Variants in IL15RA observed in about 807,000 individuals in gnomAD.
IL15RA encodes the protein interleukin-15 receptor subunit alpha.
Under a neutral mutation model 24.2 loss-of-function variants are expected in IL15RA, and 26 were observed. The observed-to-expected ratio is 1.07, with a 90% CI of 0.79 to 1.49. The LOEUF is 1.49. Ranked by LOEUF, IL15RA falls within the 40% of genes most tolerant of loss-of-function variation. The pLI is 0.00. For missense variants in IL15RA, 354 were observed against 356.4 expected, an observed-to-expected ratio of 0.99 and a Z score of 0.05; for synonymous variants, 166 against 157.6, an observed-to-expected ratio of 1.05 and a Z score of -0.40.
chr10:5,956,527 G>T, intron 5 of IL15RA, 73 bp from the exon 6 acceptor site: 1 of 1,158,038 alleles, frequency 8.6e-7, no homozygotes, highest in Non-Finnish European at 1.3e-6. Flanking sequence ...TCTTTACCAT[G>T]GATGTTCTTA....
chr10:5,957,336 C>T (rs1013090318), intron 5 of IL15RA, among the ~76,000 whole-genome samples: 5 of 152,042 alleles, frequency 3.3e-5, no homozygotes, highest in Non-Finnish European at 2.9e-5. Flanking sequence ...AGTGCAGTGG[C>T]GTGATCTCAG....
rs540954880 is a variant in IL15RA at position 5,958,468 on chromosome 10, C to T, written c.616+1286G>A. On this transcript the variant is annotated intron_variant, in intron 5 of 6. Transcript: ENST00000379977. This position sits in a 1 kb window ranked among gnomAD's most constrained non-coding sequence, Gnocchi z 4.3. The stretch of plus-strand genomic sequence containing the variant: ...TGGTGTGATCACAGCTCACTGCAAC[C>T]TCTGCCTCCTGGGTTCCAGCAATTC... The T allele has an allele frequency of 7.7e-6, 2 of 258,544 alleles. No individual in the cohort carries two copies. Among genetic ancestry groups the T allele is most frequent in the South Asian group, 7.2e-5 (2 of 27,852 alleles). The allele number at this position is 258,544 out of a possible 1,614,324, so 16.0% of individuals were successfully genotyped here.
intron 1 of IL15RA, chr10:5,969,007 C>T: frequency 6.5e-7 from 1 of 1,528,576 alleles, no homozygotes; most frequent in Admixed American, 2.0e-5. Flanking sequence ...TGTGTAGGAT[C>T]CTGAGCAAGG....
At position 5,967,307 on chromosome 10, in the gene IL15RA, C is replaced by T. The variant is rs764046794; in HGVS notation, c.89-968G>A. Among the ~76,000 whole-genome samples, 11 of 152,188 alleles carry T rather than the reference C, an allele frequency of 7.2e-5. No homozygotes were observed. The highest frequency in any genetic ancestry group is 2.1e-4 in the South Asian group (1 of 4,836). On this transcript the variant is annotated intron_variant, in intron 1 of 6. Coordinates refer to ENST00000379977, the MANE Select transcript of IL15RA (RefSeq NM_002189.4). This position sits in a 1 kb window ranked among gnomAD's most constrained non-coding sequence, Gnocchi z 4.4. ...GCAACCTCCACCTCCTGGGTTCAAG[C>T]GATTCTCCTGCCTCAGCCTCCTGAA...
At chr10:5,978,321 T>A (rs1282812249), upstream of IL15RA, 4 of 152,494 alleles carry the variant, frequency 2.6e-5, no homozygotes, top group Non-Finnish European at 4.4e-5. This position sits in a 1 kb window ranked among gnomAD's most constrained non-coding sequence, Gnocchi z 5.2. Context: ...CCTCTTTGGC[T>A]GGTGGGTTTT....
chr10:5,969,353 TTTAAA>T (rs35071460), intron 1 of IL15RA, among the ~76,000 whole-genome samples: 134,456 of 147,190 alleles, frequency 0.91, 61,528 homozygotes, highest in Non-Finnish European at 0.93. Flanking sequence ...AATTAAATTT[TTTAAA>T]TTAAATTAAA....
At chr10:5,978,314 C>G (rs1319057198), upstream of IL15RA, 1 of 152,530 alleles carries the variant, frequency 6.6e-6, no homozygotes, top group Non-Finnish European at 1.5e-5. This position sits in a 1 kb window ranked among gnomAD's most constrained non-coding sequence, Gnocchi z 5.2. Flanking sequence ...CCATCCTCCT[C>G]TTTGGCTGGT....
chr10:5,978,625 G>A (rs1012663657), upstream of IL15RA, among the ~76,000 whole-genome samples: 2 of 152,162 alleles, frequency 1.3e-5, no homozygotes, highest in Admixed American at 6.5e-5. The surrounding 1 kb of genome is among the most constrained non-coding windows in gnomAD (Gnocchi z 5.2). Context: ...GGCCGAGCGC[G>A]GTGGCCACTC....
chr10:5,977,343 C>T, intron 1 of IL15RA, 62 bp downstream of exon 1: 1 of 826,928 alleles, frequency 1.2e-6, no homozygotes, highest in South Asian at 3.6e-5. Flanking sequence ...CGGTTCCCTC[C>T]AGCTCCACGT....
At chr10:5,977,321 AGAT>A in intron 1 of IL15RA, 81 bp downstream of exon 1, 1 of 606,320 alleles carries the variant, frequency 1.6e-6, no homozygotes, top group Non-Finnish European at 2.4e-6. Context: ...CGGCCCGGGG[AGAT>A]GGGGCGCCCG....
intron 1 of IL15RA, among the ~76,000 whole-genome samples, chr10:5,972,035 C>A (rs1232444839): frequency 6.6e-6 from 1 of 152,236 alleles, no homozygotes; most frequent in Non-Finnish European, 1.5e-5. Flanking sequence ...CTGTCTCCTG[C>A]ATTGACACCG....
chr10:5,976,283 G>C lies in IL15RA; in HGVS notation c.88+1122C>G, dbSNP rs540743683. On this transcript the variant is annotated intron_variant, in intron 1 of 6. Transcript: ENST00000379977. ...GCCTCGCAGAGCTGGGGTGGGGGTGGCAGAGGGTGGGGGGGCGTTCAGGCC... is the reference window on the plus strand; with the variant it reads ...GCCTCGCAGAGCTGGGGTGGGGGTGCCAGAGGGTGGGGGGGCGTTCAGGCC... Among the ~76,000 whole-genome samples, 6 of 150,874 alleles carry C rather than the reference G, an allele frequency of 4.0e-5. 1 individual carries two copies. In the South Asian group the frequency reaches 1.3e-3, roughly 32 times the overall value.
In IL15RA at chr10:5,970,673, G is replaced by A. The variant is rs1173923366; in HGVS notation, c.89-4334C>T. Among the ~76,000 whole-genome samples, 1 of 151,738 alleles carries A rather than the reference G, an allele frequency of 6.6e-6. No homozygotes were observed. The highest frequency in any genetic ancestry group is 1.9e-4 in the East Asian group (1 of 5,204). On this transcript the variant is annotated intron_variant, in intron 1 of 6. Transcript: ENST00000379977. This position sits in a 1 kb window ranked among gnomAD's most constrained non-coding sequence, Gnocchi z 4.1. ...TGGACTGTCTCATAACTATATTGGT[G>A]ATATTACTAACACTGTTTCATTTTA...
downstream of IL15RA, chr10:5,949,264 A>G (rs1303051603): frequency 2.1e-6 from 1 of 471,258 alleles, no homozygotes; most frequent in South Asian, 1.5e-5. The surrounding 1 kb of genome is among the most constrained non-coding windows in gnomAD (Gnocchi z 4.4). Flanking sequence ...TGAGGGACGG[A>G]CGGTTTCAGG....
rs112940508 is a variant in IL15RA at position 5,973,765 on chromosome 10, A to T, written c.88+3640T>A. ...ACCTTTGTAACCTTAGGCTAGGCAA[A>T]TATTTCTTAGATATGACACCAAAAG... On this transcript the variant is annotated intron_variant, in intron 1 of 6. Coordinates refer to ENST00000379977, the MANE Select transcript of IL15RA (RefSeq NM_002189.4). This position sits in a 1 kb window ranked among gnomAD's most constrained non-coding sequence, Gnocchi z 4.5. 1.4e-3 allele frequency among the ~76,000 whole-genome samples: 206 copies of T among 152,344 alleles called. 2 individuals are homozygous for T. The highest frequency in any genetic ancestry group is 4.7e-3 in the African/African-American group (196 of 41,584).
downstream of IL15RA, among the ~76,000 whole-genome samples, chr10:5,950,041 AG>A (rs1361027296): frequency 6.6e-6 from 1 of 152,046 alleles, no homozygotes; most frequent in East Asian, 1.9e-4. The surrounding 1 kb of genome is among the most constrained non-coding windows in gnomAD (Gnocchi z 5.6). Flanking sequence ...GGTTGCAGTG[AG>A]CTGAGATTGC....
At chr10:5,969,946 A>G (rs987234840) in intron 1 of IL15RA, among the ~76,000 whole-genome samples, 15 of 152,096 alleles carry the variant, frequency 9.9e-5, no homozygotes, top group African/African-American at 3.6e-4. Flanking sequence ...AAATGGTATG[A>G]TATTTATTTC....
chr10:5,951,254 C>T (rs548179964), downstream of IL15RA, among the ~76,000 whole-genome samples: 12 of 150,718 alleles, frequency 8.0e-5, no homozygotes, highest in Admixed American at 4.6e-4. Context: ...TTGCTTGAGG[C>T]GGAGGTTGCA....
At position 5,966,210 on chromosome 10, in the gene IL15RA, G is replaced by A. The variant is rs555121316; in HGVS notation, c.218C>T (p.Thr73Met). 1.1e-5 allele frequency: 18 copies of A among 1,614,074 alleles called. No homozygotes were observed. The South Asian group carries it at 1.3e-4, about 12-fold the overall frequency. The stretch of plus-strand genomic sequence containing the variant: ...CGTGGCCTTGTTCAACACGCACTCC[G>A]TCAGGCTGGACGTGCCGGCTTTACG... ...FKRKAGTSSL[T>M]ECVLNKATNV... Residue 73 changes from threonine (T) to methionine (M), a missense_variant, in exon 2 of 7, where the codon ACG becomes ATG. Coordinates refer to ENST00000379977, the MANE Select transcript of IL15RA (RefSeq NM_002189.4). The surrounding 1 kb of genome is among the most constrained non-coding windows in gnomAD (Gnocchi z 6.4).
Sources: allele counts gnomAD v4.1 joint callset (sites outside exome capture counted in the v4.1 genomes callset), GRCh38; gene constraint gnomAD v4.1.1; non-coding constraint Gnocchi (gnomAD v3.1); transcripts MANE v1.5; gene names NCBI Gene and HGNC (gene_info 2026-07-23, HGNC 2026-07-21).